The following MYO1D variants were observed in gnomAD, a reference collection of about 807,000 sequenced individuals.
The protein encoded by MYO1D is unconventional myosin-Id.
A neutral mutation model predicts 122.0 loss-of-function variants in MYO1D; 83 were observed. The observed-to-expected ratio is 0.68, with a 90% CI of 0.57 to 0.82. The LOEUF is 0.82. Among genes scored for constraint, MYO1D ranks in the 40% least tolerant of loss-of-function variants. The pLI, the probability that MYO1D is intolerant of heterozygous loss-of-function variation, is 0.00. For synonymous variants in MYO1D, 464 were observed against 446.9 expected (o/e 1.04, Z -0.48); for missense variants, 1,157 against 1,269.5 (o/e 0.91, Z 1.35).
intron 20 of MYO1D, among the ~76,000 whole-genome samples, chr17:32,620,482 TGG>T (rs1050329176): frequency 2.4e-4 from 36 of 152,170 alleles, no homozygotes; most frequent in African/African-American, 8.4e-4. Context: ...CTGGTGTTTC[TGG>T]ATGGCGGGCT....
chr17:32,535,781 G>C (rs988380189), intron 21 of MYO1D, among the ~76,000 whole-genome samples: 2 of 148,782 alleles, frequency 1.3e-5, no homozygotes, highest in African/African-American at 5.2e-5. Flanking sequence ...AACAAAAATC[G>C]TACTTATAGA....
chr17:32,787,296 T>G (rs1039131661), intron 1 of MYO1D, among the ~76,000 whole-genome samples: 1 of 152,218 alleles, frequency 6.6e-6, no homozygotes, highest in Non-Finnish European at 1.5e-5. Context: ...TAAATTTTTT[T>G]TACCTCAATA....
intron 13 of MYO1D, among the ~76,000 whole-genome samples, chr17:32,744,706 A>G (rs1159739367): frequency 6.6e-6 from 1 of 152,160 alleles, no homozygotes; most frequent in Non-Finnish European, 1.5e-5. Context: ...TCATTTGCCT[A>G]GTTTTATTTT....
At chr17:32,678,088 C>T (rs2088848968) in intron 16 of MYO1D, among the ~76,000 whole-genome samples, 1 of 152,080 alleles carries the variant, frequency 6.6e-6, no homozygotes, top group Admixed American at 6.6e-5. Flanking sequence ...AAAGGTCTTT[C>T]AAATGCTCAA....
At chr17:32,627,221 C>T (rs1293444330) in intron 20 of MYO1D, among the ~76,000 whole-genome samples, 4 of 152,156 alleles carry the variant, frequency 2.6e-5, no homozygotes, top group African/African-American at 4.8e-5. Flanking sequence ...ATATACTTTC[C>T]ATTAAAGAGA....
intron 21 of MYO1D, among the ~76,000 whole-genome samples, chr17:32,520,092 A>C (rs1286178915): frequency 6.6e-6 from 1 of 152,068 alleles, no homozygotes; most frequent in South Asian, 2.1e-4. Flanking sequence ...AAAGAAAATC[A>C]ATCTGTGCAC....
At chr17:32,861,330 T>G (rs1053898513) in intron 1 of MYO1D, among the ~76,000 whole-genome samples, 1 of 152,096 alleles carries the variant, frequency 6.6e-6, no homozygotes, top group African/African-American at 2.4e-5. Flanking sequence ...CCTCCCAAAG[T>G]GCTAGGATTA....
intron 16 of MYO1D, among the ~76,000 whole-genome samples, chr17:32,699,054 G>C (rs1010047247): frequency 6.6e-6 from 1 of 152,030 alleles, no homozygotes; most frequent in Non-Finnish European, 1.5e-5. Context: ...TGCAACCTCT[G>C]CCTCCGGGGT....
intron 14 of MYO1D, among the ~76,000 whole-genome samples, chr17:32,725,692 G>A (rs2089563443): frequency 6.6e-6 from 1 of 151,982 alleles, no homozygotes; most frequent in Non-Finnish European, 1.5e-5. Context: ...AGAGGAGACA[G>A]AAGGGACAGA....
At chr17:32,611,318 T>C (rs1358550988) in intron 20 of MYO1D, among the ~76,000 whole-genome samples, 3 of 152,198 alleles carry the variant, frequency 2.0e-5, no homozygotes, top group Non-Finnish European at 4.4e-5. Context: ...ATGGAAGCAG[T>C]AACTGAATAG....
chr17:32,518,795 C>G (rs1358369217), intron 21 of MYO1D: 1 of 152,274 alleles, frequency 6.6e-6, no homozygotes. Flanking sequence ...ACCAGGTGAC[C>G]GTGAATGCTA....
At chr17:32,822,790 C>A (rs970812107) in intron 1 of MYO1D, among the ~76,000 whole-genome samples, 1 of 151,652 alleles carries the variant, frequency 6.6e-6, no homozygotes, top group African/African-American at 2.4e-5. Context: ...GGCCGACCTC[C>A]GCTCGCGACC....
At chr17:32,629,848 T>C (rs2087980781) in intron 20 of MYO1D, among the ~76,000 whole-genome samples, 1 of 152,156 alleles carries the variant, frequency 6.6e-6, no homozygotes, top group Non-Finnish European at 1.5e-5. Flanking sequence ...AGGAAGTGCA[T>C]GTAGCACTGT....
At chr17:32,787,259 G>A (rs1205737375) in intron 1 of MYO1D, among the ~76,000 whole-genome samples, 1 of 152,040 alleles carries the variant, frequency 6.6e-6, no homozygotes, top group African/African-American at 2.4e-5. Flanking sequence ...ATAATTTTTT[G>A]TATTATCTCA....
intron 21 of MYO1D, among the ~76,000 whole-genome samples, chr17:32,540,335 AAAAAAAAAAAAAGT>A (rs926839053): frequency 1.3e-5 from 2 of 150,938 alleles, no homozygotes; most frequent in African/African-American, 4.9e-5. Context: ...CTCAAAAAAA[AAAAAAAAAAAAAGT>A]AAAGTGAAAA....
At position 32,677,056 on chromosome 17, in the gene MYO1D, C is replaced by T. The variant is rs779949717; in HGVS notation, c.2122-17718G>A. ...TGATCTCCTGACTTCGTGATCTGCCCGCTTCGGCCTCCCAAAGTGCTAGGA... is the reference window on the plus strand; with the variant it reads ...TGATCTCCTGACTTCGTGATCTGCCTGCTTCGGCCTCCCAAAGTGCTAGGA... On this transcript the variant is annotated intron_variant, in intron 16 of 21. Transcript: ENST00000318217. Among the ~76,000 whole-genome samples, 7 of 152,078 alleles carry T rather than the reference C, an allele frequency of 4.6e-5. No homozygotes were observed. In the South Asian group the frequency reaches 6.2e-4, roughly 14 times the overall value.
chr17:32,703,393 C>T (rs1458101912), intron 16 of MYO1D, among the ~76,000 whole-genome samples: 1 of 151,876 alleles, frequency 6.6e-6, no homozygotes, highest in Non-Finnish European at 1.5e-5. Flanking sequence ...TTTTCTATCT[C>T]CCTTTGAGAA....
chr17:32,672,589 G>A (rs911635055), intron 16 of MYO1D, among the ~76,000 whole-genome samples: 4 of 152,034 alleles, frequency 2.6e-5, no homozygotes, highest in Admixed American at 6.6e-5. Flanking sequence ...GGGTTCAAGC[G>A]ATTCTCCTGC....
chr17:32,748,395 C>G (rs1389886222), intron 12 of MYO1D, among the ~76,000 whole-genome samples: 1 of 151,866 alleles, frequency 6.6e-6, no homozygotes, highest in Non-Finnish European at 1.5e-5. Flanking sequence ...TAATTCATTC[C>G]CCTGACTAAC....
Sources: gnomAD v4.1 joint callset for allele counts (sites outside exome capture counted in the v4.1 genomes callset) on GRCh38, gnomAD v4.1.1 for gene constraint, MANE v1.5 for transcripts, NCBI Gene and HGNC (gene_info 2026-07-23, HGNC 2026-07-21) for gene names.